Variants in CERS6 observed in about 807,000 individuals in gnomAD.
CERS6 encodes the protein ceramide synthase 6, also known as LAG1 homolog, ceramide synthase 6.
A neutral mutation model predicts 56.8 loss-of-function variants in CERS6; 26 were observed. That is an observed-to-expected ratio of 0.46 (90% CI 0.34 to 0.63). The LOEUF is 0.63. Ranked by LOEUF, CERS6 falls within the 30% of genes least tolerant of loss-of-function variation. The pLI is 0.01. For synonymous variants in CERS6, 164 were observed against 173.3 expected (o/e 0.95, Z 0.42); for missense variants, 415 against 467.5 (o/e 0.89, Z 1.04).
chr2:168,648,036 TG>T (rs1685246667), intron 4 of CERS6, among the ~76,000 whole-genome samples: 1 of 152,162 alleles, frequency 6.6e-6, no homozygotes, highest in African/African-American at 2.4e-5. Flanking sequence ...TAGATTGACA[TG>T]GGGGAAGAGT....
chr2:168,746,442 A>G (rs921258324), intron 8 of CERS6, among the ~76,000 whole-genome samples: 1 of 151,994 alleles, frequency 6.6e-6, no homozygotes, highest in Admixed American at 6.6e-5. Flanking sequence ...TCAGAAAAGC[A>G]CACATCCCAC....
Position 168,705,505 on chromosome 2 carries a change from G to A in CERS6, c.610-9496G>A, listed in dbSNP as rs904075994. On this transcript the variant is annotated intron_variant, in intron 6 of 9. Transcript: ENST00000305747. ...GGAGTAGGAAGCTCAGGCAGTTGAA[G>A]AAAGAGGAGTTAGAATGTGGAGGAT... 1.5e-3 allele frequency among the ~76,000 whole-genome samples: 229 copies of A among 152,318 alleles called. 2 individuals carry two copies. The highest frequency in any genetic ancestry group is 5.3e-3 in the African/African-American group (220 of 41,580).
chr2:168,765,446 A>C, intron 8 of CERS6, 146 bp from the exon 9 acceptor site: 1 of 646,684 alleles, frequency 1.5e-6, no homozygotes, highest in Non-Finnish European at 2.4e-6. Context: ...GACATTTCTA[A>C]GTACCTGGCA....
At chr2:168,719,094 G>A (rs182971070) in intron 8 of CERS6, among the ~76,000 whole-genome samples, 115 of 152,268 alleles carry the variant, frequency 7.6e-4, no homozygotes, top group African/African-American at 2.7e-3. Context: ...TTTTTTGTGT[G>A]TATTTAGTGA....
chr2:168,756,447 A>T (rs2105452344), intron 8 of CERS6, among the ~76,000 whole-genome samples: 1 of 152,310 alleles, frequency 6.6e-6, no homozygotes, highest in East Asian at 1.9e-4. Flanking sequence ...TAATGAAAGG[A>T]ATTATATAAT....
intron 4 of CERS6, among the ~76,000 whole-genome samples, chr2:168,683,601 C>T (rs1686271481): frequency 6.6e-6 from 1 of 152,204 alleles, no homozygotes; most frequent in African/African-American, 2.4e-5. Flanking sequence ...CGTGTGTTGA[C>T]ATTCTCACCG....
At chr2:168,462,921 C>T (rs1214090580) in intron 1 of CERS6, among the ~76,000 whole-genome samples, 2 of 152,166 alleles carry the variant, frequency 1.3e-5, no homozygotes, top group Non-Finnish European at 2.9e-5. Context: ...TGACTTGGTG[C>T]TTACCATTTA....
Position 168,456,472 on chromosome 2 carries a change from C to T in CERS6, c.24C>T (p.Phe8=). Residue 8 remains phenylalanine, a synonymous_variant, in exon 1 of 10, where the codon TTC becomes TTT. Coordinates refer to ENST00000305747, the MANE Select transcript of CERS6 (RefSeq NM_203463.3). This position sits in a 1 kb window ranked among gnomAD's most constrained non-coding sequence, Gnocchi z 4.1. MAGILAW[F]WNERFWLPHN... The stretch of plus-strand genomic sequence containing the variant: ...AGATGGCAGGGATCTTAGCCTGGTT[C>T]TGGAACGAGAGGTTTTGGCTCCCGC... 2 of 1,613,866 alleles carry T rather than the reference C, an allele frequency of 1.2e-6. No homozygotes were observed. Among genetic ancestry groups the T allele is most frequent in the South Asian group, 1.1e-5 (1 of 91,076 alleles).
At chr2:168,725,195 C>T (rs2105403532) in intron 8 of CERS6, among the ~76,000 whole-genome samples, 1 of 152,380 alleles carries the variant, frequency 6.6e-6, no homozygotes, top group Admixed American at 6.5e-5. Flanking sequence ...GCTTCAAGTG[C>T]AGGGCCCGCC....
chr2:168,482,723 T>C (rs1407564716), intron 1 of CERS6, among the ~76,000 whole-genome samples: 1 of 152,260 alleles, frequency 6.6e-6, no homozygotes, highest in Non-Finnish European at 1.5e-5. Context: ...TTTTTCAGTT[T>C]GCAGGCTTAT....
intron 1 of CERS6, among the ~76,000 whole-genome samples, chr2:168,507,083 C>T (rs905215127): frequency 7.9e-5 from 12 of 151,910 alleles, no homozygotes; most frequent in Admixed American, 2.6e-4. Flanking sequence ...TTAGTCTGCT[C>T]CTTAACCTTA....
chr2:168,715,448 A>G (rs1687204315), intron 7 of CERS6, among the ~76,000 whole-genome samples: 1 of 152,168 alleles, frequency 6.6e-6, no homozygotes, highest in Non-Finnish European at 1.5e-5. Context: ...TTTTACCCTG[A>G]TTTATTGGGA....
At chr2:168,518,388 A>G (rs1420993041) in intron 1 of CERS6, among the ~76,000 whole-genome samples, 1 of 152,258 alleles carries the variant, frequency 6.6e-6, no homozygotes, top group African/African-American at 2.4e-5. Context: ...TCACCCAAGC[A>G]TAGGAAAATA....
chr2:168,532,662 A>T (rs112815476), intron 1 of CERS6, among the ~76,000 whole-genome samples: 5 of 152,212 alleles, frequency 3.3e-5, no homozygotes, highest in African/African-American at 1.2e-4. Context: ...CTTACCTGGG[A>T]TAGAGACCAT....
chr2:168,744,853 A>G (rs1684052566), intron 8 of CERS6, among the ~76,000 whole-genome samples: 1 of 152,222 alleles, frequency 6.6e-6, no homozygotes, highest in South Asian at 2.1e-4. Flanking sequence ...AAAAGGGGGA[A>G]AAGCTTACAG....
Position 168,456,746 on chromosome 2 carries a change from C to G in CERS6, c.170+128C>G, listed in dbSNP as rs1370461563. The G allele has an allele frequency of 4.6e-6, 4 of 863,354 alleles. No homozygotes were observed. In the East Asian group the frequency reaches 1.1e-4, roughly 23 times the overall value. 53.5% of individuals were successfully genotyped at this position (863,354 alleles called of 1,614,324 possible). On this transcript the variant is annotated intron_variant, in intron 1 of 9. Coordinates refer to ENST00000305747, the MANE Select transcript of CERS6 (RefSeq NM_203463.3). This position sits in a 1 kb window ranked among gnomAD's most constrained non-coding sequence, Gnocchi z 4.1. ...GTTCACGCCTCCCAACCTTTGTGTT[C>G]GGGGAGGGGTTGCTGACCCCCCTGC...
intron 1 of CERS6, among the ~76,000 whole-genome samples, chr2:168,489,317 A>G (rs1694327255): frequency 6.6e-6 from 1 of 152,086 alleles, no homozygotes; most frequent in Non-Finnish European, 1.5e-5. Context: ...AGCCATTGTG[A>G]ATACTTTATT....
At chr2:168,590,666 A>G (rs1057063599) in intron 3 of CERS6, among the ~76,000 whole-genome samples, 1 of 152,216 alleles carries the variant, frequency 6.6e-6, no homozygotes, top group African/African-American at 2.4e-5. Context: ...TGTTACGTAT[A>G]CAATTTTGTC....
chr2:168,716,901 A>G (rs958702364), intron 7 of CERS6, among the ~76,000 whole-genome samples: 2 of 152,140 alleles, frequency 1.3e-5, no homozygotes, highest in African/African-American at 2.4e-5. Flanking sequence ...AATGTCAACA[A>G]TCTTTTCAAA....
Sources: gnomAD v4.1 joint callset for allele counts (sites outside exome capture counted in the v4.1 genomes callset) on GRCh38, gnomAD v4.1.1 for gene constraint, Gnocchi (gnomAD v3.1) non-coding constraint, MANE v1.5 for transcripts, NCBI Gene and HGNC (gene_info 2026-07-23, HGNC 2026-07-21) for gene names.